The following MFHAS1 variants were observed in gnomAD, a reference collection of about 807,000 sequenced individuals.
The protein encoded by MFHAS1 is multifunctional ROCO family signaling regulator 1.
Under a neutral mutation model 70.4 loss-of-function variants are expected in MFHAS1, and 50 were observed. That is an observed-to-expected ratio of 0.71 (90% confidence interval 0.57 to 0.90). The LOEUF (loss-of-function observed/expected upper bound fraction) is 0.90. Among genes scored for constraint, MFHAS1 ranks in the 40% least tolerant of loss-of-function variants. The pLI, the probability that MFHAS1 is intolerant of heterozygous loss-of-function variation, is 0.00. For missense variants in MFHAS1, 1,795 were observed against 1,347.6 expected, an observed-to-expected ratio of 1.33 and a Z score of -5.20; for synonymous variants, 952 against 620.0, an observed-to-expected ratio of 1.54 and a Z score of -7.96.
Position 8,892,000 on chromosome 8 carries a change from C to A in MFHAS1, c.1059G>T (p.Gln353His). 6.2e-7 allele frequency: 1 copy of A among 1,613,578 alleles called. No individual in the cohort carries two copies. The highest frequency in any genetic ancestry group is 8.5e-7 in the Non-Finnish European group (1 of 1,179,974). The change falls in exon 1 of 3, where the codon CAG becomes CAT. Residue 353 changes from glutamine to histidine, a missense_variant. By Grantham distance (24) the Gln-to-His change is conservative. Coordinates refer to ENST00000276282, the MANE Select transcript of MFHAS1 (RefSeq NM_004225.3). The surrounding 1 kb of genome is among the most constrained non-coding windows in gnomAD (Gnocchi z 5.4). ...CAAAGTGGTCGGGCAGCACCGCGAT[C>A]TGGTTCCCCTGCAGCACGAGCTCCT... The part of the protein sequence containing the change: ...GLEELVLQGN[Q>H]IAVLPDHFGQ...
At chr8:8,837,016 G>A (rs866109174) in intron 1 of MFHAS1, among the ~76,000 whole-genome samples, 5 of 152,162 alleles carry the variant, frequency 3.3e-5, no homozygotes, top group African/African-American at 1.2e-4. Context: ...AAGCATTTTT[G>A]TACAAGCTGA....
intron 1 of MFHAS1, among the ~76,000 whole-genome samples, chr8:8,843,498 T>C (rs941706262): frequency 1.3e-5 from 2 of 152,204 alleles, no homozygotes; most frequent in Non-Finnish European, 2.9e-5. Context: ...GGAGGATGGA[T>C]TGAGCCCAGG....
intron 1 of MFHAS1, among the ~76,000 whole-genome samples, chr8:8,853,450 G>T (rs994162800): frequency 1.6e-4 from 23 of 141,222 alleles, no homozygotes; most frequent in Non-Finnish European, 3.2e-4. Flanking sequence ...AATCGCACAA[G>T]GTGTCTGCTC....
At chr8:8,855,685 C>T (rs1050551970) in intron 1 of MFHAS1, among the ~76,000 whole-genome samples, 4 of 152,070 alleles carry the variant, frequency 2.6e-5, no homozygotes, top group Admixed American at 6.6e-5. Flanking sequence ...GCAAAACCTA[C>T]TCTCTACTAA....
intron 1 of MFHAS1, among the ~76,000 whole-genome samples, chr8:8,875,069 G>C (rs1426049871): frequency 6.6e-6 from 1 of 152,164 alleles, no homozygotes; most frequent in Non-Finnish European, 1.5e-5. Flanking sequence ...AAACGGTAGT[G>C]CATTTTATAG....
chr8:8,832,040 G>A lies in MFHAS1; in HGVS notation c.2999-34549C>T, dbSNP rs548662839. Reference sequence around the variant, plus strand: ...TAAACCTCAATCCTTACTTCAAGGCGCACATGCACGCGCGCGCGCGCGCAC... The same window carrying A: ...TAAACCTCAATCCTTACTTCAAGGCACACATGCACGCGCGCGCGCGCGCAC... On this transcript the variant is annotated intron_variant, in intron 1 of 2. Coordinates refer to ENST00000276282, the MANE Select transcript of MFHAS1 (RefSeq NM_004225.3). Among the ~76,000 whole-genome samples, 183 of 100,650 alleles carry A rather than the reference G, an allele frequency of 1.8e-3. 2 individuals carry two copies. In the Middle Eastern group the frequency reaches 0.024, roughly 13 times the overall value. The allele number at this position is 100,650 out of a possible 152,430, so 66.0% of individuals were successfully genotyped here.
intron 1 of MFHAS1, among the ~76,000 whole-genome samples, chr8:8,868,266 T>C (rs1429560693): frequency 1.3e-5 from 2 of 151,828 alleles, no homozygotes; most frequent in Non-Finnish European, 2.9e-5. Flanking sequence ...ACTCTAGATG[T>C]TATCTCATTT....
rs1284025502 is a variant in MFHAS1, at chr8:8,784,601, T to C, written c.*1421A>G. On this transcript the variant is annotated 3_prime_UTR_variant, in exon 3 of 3. Transcript: ENST00000276282. The stretch of plus-strand genomic sequence containing the variant: ...TTCTTTTAAAAAACATGTTGAGACT[T>C]TGTATACTGTAGCCTTCCAAGAGTC... 1 of 152,304 alleles carries C rather than the reference T, an allele frequency of 6.6e-6. No individual in the cohort carries two copies. Among genetic ancestry groups the C allele is most frequent in the South Asian group, 2.1e-4 (1 of 4,820 alleles). The allele number at this position is 152,304 out of a possible 1,614,324, so 9.4% of individuals were successfully genotyped here.
intron 1 of MFHAS1, among the ~76,000 whole-genome samples, chr8:8,849,652 GAAATGAGCAGTCC>G (rs1311665466): frequency 6.6e-6 from 1 of 152,210 alleles, no homozygotes; most frequent in Non-Finnish European, 1.5e-5. Context: ...TCCTGGTCAA[GAAATGAGCAGTCC>G]AAGTGGACAC....
At chr8:8,877,337 A>G (rs530864584) in intron 1 of MFHAS1, among the ~76,000 whole-genome samples, 3 of 144,646 alleles carry the variant, frequency 2.1e-5, no homozygotes, top group Admixed American at 1.4e-4. Context: ...TGTTCCATTA[A>G]TGCAAATTTA....
chr8:8,862,458 T>G (rs1316819731), intron 1 of MFHAS1, among the ~76,000 whole-genome samples: 2 of 152,036 alleles, frequency 1.3e-5, no homozygotes, highest in Non-Finnish European at 2.9e-5. Context: ...CTCTTCATCT[T>G]AACAGATCTT....
At chr8:8,799,782 G>A (rs142825615) in intron 1 of MFHAS1, among the ~76,000 whole-genome samples, 2 of 152,144 alleles carry the variant, frequency 1.3e-5, no homozygotes, top group East Asian at 1.9e-4. Flanking sequence ...CAAAAACACC[G>A]TATTTCTAAA....
Position 8,892,083 on chromosome 8 carries a change from G to A in MFHAS1, c.976C>T (p.Leu326=), listed in dbSNP as rs544927448. 9 of 1,613,512 alleles carry A rather than the reference G, an allele frequency of 5.6e-6. No homozygotes were observed. In the South Asian group the frequency reaches 7.7e-5, roughly 14 times the overall value. The change falls in exon 1 of 3, where the codon CTG becomes TTG. Residue 326 remains leucine (L), a synonymous_variant. Transcript: ENST00000276282. This position sits in a 1 kb window ranked among gnomAD's most constrained non-coding sequence, Gnocchi z 4.7. ...AGGTAGCGGATGCGGTTATTATCCA[G>A]CCACAAGGTGAGAAGCCGGCCCAGG... is the stretch of plus-strand genomic sequence containing the variant. ...SGLGRLLTLW[L]DNNRIRYLPD...
intron 1 of MFHAS1, among the ~76,000 whole-genome samples, chr8:8,811,968 G>T (rs901127001): frequency 6.6e-6 from 1 of 152,112 alleles, no homozygotes; most frequent in Non-Finnish European, 1.5e-5. Context: ...TTCTCCGCAT[G>T]CCATCCAAGG....
At chr8:8,837,031 G>T (rs1807622558) in intron 1 of MFHAS1, among the ~76,000 whole-genome samples, 1 of 152,178 alleles carries the variant, frequency 6.6e-6, no homozygotes, top group Non-Finnish European at 1.5e-5. Flanking sequence ...AGCTGAACTG[G>T]ATTGGGACGT....
intron 1 of MFHAS1, among the ~76,000 whole-genome samples, chr8:8,858,062 C>T (rs1808511262): frequency 6.6e-6 from 1 of 152,216 alleles, no homozygotes; most frequent in Admixed American, 6.5e-5. Flanking sequence ...GGTCATTTGC[C>T]TGCCTCCACG....
At chr8:8,849,424 C>T (rs778626680) in intron 1 of MFHAS1, among the ~76,000 whole-genome samples, 31 of 152,146 alleles carry the variant, frequency 2.0e-4, no homozygotes, top group Non-Finnish European at 3.5e-4. Flanking sequence ...GTAATACTTG[C>T]AGCAAGTAAT....
intron 1 of MFHAS1, among the ~76,000 whole-genome samples, chr8:8,801,403 CAT>C (rs1461465346): frequency 6.6e-6 from 1 of 152,180 alleles, no homozygotes; most frequent in Non-Finnish European, 1.5e-5. Context: ...AAGTTTCACA[CAT>C]GTGAAAAATT....
chr8:8,802,915 T>C (rs943664956), intron 1 of MFHAS1, among the ~76,000 whole-genome samples: 2 of 152,100 alleles, frequency 1.3e-5, no homozygotes, highest in African/African-American at 4.8e-5. Context: ...AGGGGCTGAG[T>C]TGCTGCTGAA....
Sources: allele counts gnomAD v4.1 joint callset (sites outside exome capture counted in the v4.1 genomes callset), GRCh38; gene constraint gnomAD v4.1.1; non-coding constraint Gnocchi (gnomAD v3.1); transcripts MANE v1.5; gene names NCBI Gene and HGNC (gene_info 2026-07-23, HGNC 2026-07-21).